Variants in ANKRD44 observed in about 807,000 individuals in gnomAD.
The protein encoded by ANKRD44 is serine/threonine-protein phosphatase 6 regulatory ankyrin repeat subunit B.
A neutral mutation model predicts 116.0 loss-of-function variants in ANKRD44; 35 were observed. The ratio of observed to expected loss-of-function variants is 0.30; its 90% CI spans 0.23 to 0.40. The LOEUF (loss-of-function observed/expected upper bound fraction) is 0.40. Among genes scored for constraint, ANKRD44 ranks in the 10% least tolerant of loss-of-function variants. The pLI is 1.00. For missense variants in ANKRD44, 1,014 were observed against 1,242.6 expected (o/e 0.82, Z 2.77); for synonymous variants, 435 against 461.8 (o/e 0.94, Z 0.74).
intron 2 of ANKRD44, among the ~76,000 whole-genome samples, chr2:197,159,097 T>C (rs1471525751): frequency 6.6e-6 from 1 of 152,200 alleles, no homozygotes; most frequent in African/African-American, 2.4e-5. Context: ...GCTCTGGATA[T>C]AACAATAACT....
chr2:197,099,470 T>C, intron 10 of ANKRD44: 1 of 1,003,608 alleles, frequency 1.0e-6, no homozygotes, highest in Non-Finnish European at 1.2e-6. Context: ...GCAATCTGAA[T>C]ACATTCTAAA....
intron 16 of ANKRD44, among the ~76,000 whole-genome samples, chr2:197,040,282 A>C (rs1035874414): frequency 4.6e-5 from 7 of 152,102 alleles, no homozygotes; most frequent in East Asian, 3.9e-4. Context: ...AGGCCCACCC[A>C]AAAATTAATT....
At chr2:197,304,682 G>T (rs1266831818) in intron 1 of ANKRD44, among the ~76,000 whole-genome samples, 1 of 152,160 alleles carries the variant, frequency 6.6e-6, no homozygotes, top group Non-Finnish European at 1.5e-5. Context: ...CTTGCCAAGG[G>T]TTGGCTAATG....
chr2:197,163,407 T>C (rs2080017350), intron 2 of ANKRD44, among the ~76,000 whole-genome samples: 1 of 152,232 alleles, frequency 6.6e-6, no homozygotes, highest in South Asian at 2.1e-4. Flanking sequence ...TGCCAGTTCC[T>C]GGGAGGCCAA....
rs1366354488 is a variant in ANKRD44, at chr2:197,153,260, AGAAGAGGAAGAAGAG to A, written c.112-6170_112-6156del. On this transcript the variant is annotated intron_variant, in intron 2 of 27. Transcript: ENST00000282272. The stretch of plus-strand genomic sequence containing the variant: ...AAAAAAAAAAAAAGAAGAAACAAGA[AGAAGAGGAAGAAGAG>A]GAAGAGGAAGAAGGAGGAGGAGGAG... Among the ~76,000 whole-genome samples, 44 of 150,196 alleles carry A rather than the reference AGAAGAGGAAGAAGAG, an allele frequency of 2.9e-4. 1 individual carries two copies. Among genetic ancestry groups the A allele is most frequent in the African/African-American group, 9.8e-4 (40 of 40,916 alleles).
chr2:197,040,276 C>T (rs183264649), intron 16 of ANKRD44, among the ~76,000 whole-genome samples: 4 of 152,038 alleles, frequency 2.6e-5, no homozygotes, highest in Admixed American at 2.6e-4. Flanking sequence ...AAAAACAGGC[C>T]CACCCAAAAA....
chr2:197,097,520 A>G (rs577342469), intron 10 of ANKRD44, among the ~76,000 whole-genome samples: 19 of 152,272 alleles, frequency 1.2e-4, no homozygotes, highest in South Asian at 4.1e-4. Context: ...CGACATCCCA[A>G]TTAAAAAGTT....
At chr2:196,976,144 T>C (rs1256431972) in intron 21 of ANKRD44, among the ~76,000 whole-genome samples, 3 of 152,026 alleles carry the variant, frequency 2.0e-5, no homozygotes, top group African/African-American at 7.3e-5. Flanking sequence ...ATATTATATA[T>C]ATATTGAGAT....
chr2:196,991,701 C>A (rs2075920055), intron 27 of ANKRD44, among the ~76,000 whole-genome samples: 1 of 151,934 alleles, frequency 6.6e-6, no homozygotes, highest in African/African-American at 2.4e-5. Flanking sequence ...CCACCTCAGC[C>A]TCCCGAGTAG....
At chr2:196,975,490 TA>T (rs1210042414) in intron 21 of ANKRD44, among the ~76,000 whole-genome samples, 2 of 151,894 alleles carry the variant, frequency 1.3e-5, no homozygotes, top group Non-Finnish European at 2.9e-5. Flanking sequence ...ACAAGAAAAA[TA>T]CGTCAAAAGG....
At chr2:197,104,341 G>A (rs112293080) in intron 9 of ANKRD44, among the ~76,000 whole-genome samples, 24 of 152,180 alleles carry the variant, frequency 1.6e-4, no homozygotes, top group African/African-American at 5.1e-4. Flanking sequence ...GGCTGGTCTC[G>A]AACTCCTGAC....
intron 2 of ANKRD44, among the ~76,000 whole-genome samples, chr2:197,152,945 G>A (rs759197481): frequency 7.4e-4 from 113 of 152,248 alleles, no homozygotes; most frequent in Non-Finnish European, 1.2e-3. Context: ...GGCCGGACGT[G>A]GTGGCTCATG....
intron 7 of ANKRD44, 58 bp from the exon 8 acceptor site, chr2:197,121,602 T>C: frequency 4.1e-6 from 6 of 1,455,328 alleles, no homozygotes; most frequent in Non-Finnish European, 5.7e-6. Context: ...TACTCCATTT[T>C]CCACAAAAAG....
chr2:196,998,254 C>T, intron 25 of ANKRD44, 83 bp downstream of exon 25: 2 of 1,043,682 alleles, frequency 1.9e-6, no homozygotes, highest in South Asian at 1.4e-5. Flanking sequence ...CCATGCTACA[C>T]AGTTCCGAGG....
At chr2:196,992,802 C>T (rs2075945486) in intron 27 of ANKRD44, 1 of 152,570 alleles carries the variant, frequency 6.6e-6, no homozygotes, top group Admixed American at 6.5e-5. Context: ...GCTGCTAATT[C>T]CAATACCTGT....
At chr2:197,234,668 C>A (rs1156933210) in intron 1 of ANKRD44, among the ~76,000 whole-genome samples, 3 of 152,180 alleles carry the variant, frequency 2.0e-5, no homozygotes, top group African/African-American at 4.8e-5. Flanking sequence ...TTTTACTTAT[C>A]CCTATTGATA....
At chr2:197,056,777 C>A (rs929047114) in intron 16 of ANKRD44, among the ~76,000 whole-genome samples, 9 of 151,764 alleles carry the variant, frequency 5.9e-5, no homozygotes, top group African/African-American at 2.2e-4. Context: ...GACCTTATAC[C>A]CTTATCAATC....
At chr2:197,284,724 A>G (rs561209896) in intron 1 of ANKRD44, among the ~76,000 whole-genome samples, 2 of 151,902 alleles carry the variant, frequency 1.3e-5, no homozygotes, top group South Asian at 4.2e-4. Context: ...CGTCTCTACT[A>G]AAAATACAAA....
chr2:197,253,439 T>TAC (rs2082367598), intron 1 of ANKRD44, among the ~76,000 whole-genome samples: 2 of 152,196 alleles, frequency 1.3e-5, no homozygotes, highest in African/African-American at 4.8e-5. Flanking sequence ...ATATATTATC[T>TAC]ACACACACAC....
Sources: gnomAD v4.1 joint callset for allele counts (sites outside exome capture counted in the v4.1 genomes callset) on GRCh38, gnomAD v4.1.1 for gene constraint, MANE v1.5 for transcripts, NCBI Gene and HGNC (gene_info 2026-07-23, HGNC 2026-07-21) for gene names.